Variants in AMZ2 observed in about 807,000 individuals in gnomAD.
AMZ2 encodes archaelysin family metallopeptidase 2, also known as archaemetzincin-2.
AMZ2 carries 26 observed loss-of-function variants against 36.7 expected under a neutral mutation model. That is an observed-to-expected ratio of 0.71 (90% CI 0.52 to 0.98). The LOEUF is 0.98. Among genes scored for constraint, AMZ2 ranks in the 50% least tolerant of loss-of-function variants. The pLI, the probability that AMZ2 is intolerant of heterozygous loss-of-function variation, is 0.00. For synonymous variants in AMZ2, 144 were observed against 149.1 expected, an observed-to-expected ratio of 0.97 and a Z score of 0.25; for missense variants, 394 against 430.5, an observed-to-expected ratio of 0.92 and a Z score of 0.75.
chr17:68,238,090 T>C (rs2073827454), intron 1 of AMZ2, among the ~76,000 whole-genome samples: 1 of 152,194 alleles, frequency 6.6e-6, no homozygotes, highest in Admixed American at 6.5e-5. Flanking sequence ...CGAGCTACAG[T>C]GCAGGAGACC....
chr17:68,211,798 GTGTA>G (rs2073066918), intron 1 of AMZ2, among the ~76,000 whole-genome samples: 1 of 62,300 alleles, frequency 1.6e-5, no homozygotes, highest in Non-Finnish European at 3.3e-5. Context: ...ATGTATATAT[GTGTA>G]TATGTATATA....
chr17:68,232,673 T>C (rs1359303867), intron 1 of AMZ2, among the ~76,000 whole-genome samples: 7 of 151,806 alleles, frequency 4.6e-5, no homozygotes, highest in African/African-American at 1.7e-4. Flanking sequence ...CGAAACCCCA[T>C]CTCTACTAAA....
Position 68,250,797 on chromosome 17 carries a change from C to G in AMZ2, c.287C>G (p.Ser96Cys), listed in dbSNP as rs1555739078. 1 of 1,576,420 alleles carries G rather than the reference C, an allele frequency of 6.3e-7. No individual in the cohort carries two copies. The highest frequency in any genetic ancestry group is 2.2e-5 in the East Asian group (1 of 44,484). Residue 96 changes from serine to cysteine, a missense_variant, in exon 3 of 7, where the codon TCT becomes TGT. Ser to Cys is a moderately radical substitution (Grantham distance 112). Transcript: ENST00000359904. The stretch of plus-strand genomic sequence containing the variant: ...TAAATGTTCTTCCATATTGTAGGCT[C>G]TCTAGGAAACACCAGAATTATCAGT... ...KRSIYIQSIG[S>C]LGNTRIISEE... is the part of the protein sequence containing the mutation.
chr17:68,230,374 T>G (rs12601034), intron 1 of AMZ2, among the ~76,000 whole-genome samples: 24,034 of 152,174 alleles, frequency 0.16, 1,987 homozygotes, highest in East Asian at 0.29. Flanking sequence ...GTGTCCGGCC[T>G]CCTGCCCTGT....
In AMZ2 at chr17:68,250,468, T is replaced by G; in HGVS notation, c.281T>G (p.Ile94Ser). 1.2e-6 allele frequency: 2 copies of G among 1,613,766 alleles called. No individual in the cohort carries two copies. The highest frequency in any genetic ancestry group is 2.2e-5 in the South Asian group (2 of 91,052). ...PNKRSIYIQS[I>S]GSLGNTRIIS... ...AAACGCAGCATTTATATACAGTCCA[T>G]TGGTAAATACTGGTAATGTGCTGGT... The change falls in exon 2 of 7, where the codon ATT becomes AGT. Residue 94 changes from isoleucine (I) to serine (S), a missense_variant and splice_region_variant. Transcript: ENST00000359904.
intron 1 of AMZ2, among the ~76,000 whole-genome samples, chr17:68,213,113 A>G (rs1205307452): frequency 6.6e-6 from 1 of 152,230 alleles, no homozygotes; most frequent in Non-Finnish European, 1.5e-5. Flanking sequence ...CCAGTAAAAG[A>G]CAATACTTAA....
exon 1 of AMZ2, chr17:68,206,155 TG>T: frequency 7.7e-7 from 1 of 1,306,254 alleles, no homozygotes; most frequent in African/African-American, 1.5e-5. Context: ...TCCGATTATC[TG>T]GAGGAGCTGG....
At chr17:68,206,472 CG>C in intron 1 of AMZ2, 3 of 187,114 alleles carry the variant, frequency 1.6e-5, no homozygotes, top group Non-Finnish European at 2.1e-5. Context: ...TACACTCGCT[CG>C]CTCTCTCTCT....
intron 1 of AMZ2, among the ~76,000 whole-genome samples, chr17:68,222,169 A>C (rs546779406): frequency 3.9e-5 from 6 of 152,382 alleles, no homozygotes; most frequent in African/African-American, 1.4e-4. Flanking sequence ...GAGCAACTGG[A>C]TGGAGCCATT....
At chr17:68,225,772 A>G (rs1443793955) in intron 1 of AMZ2, among the ~76,000 whole-genome samples, 1 of 151,936 alleles carries the variant, frequency 6.6e-6, no homozygotes, top group Admixed American at 6.6e-5. Context: ...ACAGGTGCCC[A>G]CCACCATGCC....
At chr17:68,223,438 T>C (rs549118353) in intron 1 of AMZ2, among the ~76,000 whole-genome samples, 3 of 152,356 alleles carry the variant, frequency 2.0e-5, no homozygotes, top group East Asian at 3.9e-4. Flanking sequence ...ATGGCCTTTT[T>C]GCTCAACAGT....
intron 6 of AMZ2, 99 bp downstream of exon 6, chr17:68,255,975 G>A (rs2074877031): frequency 4.1e-5 from 52 of 1,253,042 alleles, no homozygotes; most frequent in Non-Finnish European, 5.6e-5. Context: ...TAATTTATCA[G>A]AGGAAATTAG....
intron 1 of AMZ2, among the ~76,000 whole-genome samples, chr17:68,225,853 G>A (rs1224955485): frequency 1.3e-5 from 2 of 151,980 alleles, no homozygotes; most frequent in African/African-American, 4.8e-5. Flanking sequence ...CGAACTCCTG[G>A]CCTCAAGTGA....
At chr17:68,210,141 T>C (rs1319007734) in intron 1 of AMZ2, among the ~76,000 whole-genome samples, 1 of 152,112 alleles carries the variant, frequency 6.6e-6, no homozygotes, top group Non-Finnish European at 1.5e-5. Context: ...ACTCAAAAAG[T>C]TAAACTTAGA....
chr17:68,251,776 C>G (rs1402601834), intron 4 of AMZ2, among the ~76,000 whole-genome samples: 2 of 152,190 alleles, frequency 1.3e-5, no homozygotes, highest in Non-Finnish European at 2.9e-5. Context: ...ACAGTTTGAG[C>G]TATCAATGGA....
intron 1 of AMZ2, among the ~76,000 whole-genome samples, chr17:68,237,907 C>T (rs368614985): frequency 3.3e-5 from 5 of 152,200 alleles, no homozygotes; most frequent in South Asian, 2.1e-4. Flanking sequence ...ACACAGAGGA[C>T]GTCTTCAGTA....
At position 68,248,105 on chromosome 17, in the gene AMZ2, T is replaced by C. The variant is rs1262662586; in HGVS notation, c.-601T>C. The C allele has an allele frequency of 3.0e-6, 3 of 986,260 alleles. No homozygotes were observed. The highest frequency in any genetic ancestry group is 4.7e-5 in the South Asian group (1 of 21,348). The allele number at this position is 986,260 out of a possible 1,614,324, so 61.1% of individuals were successfully genotyped here. On this transcript the variant is annotated 5_prime_UTR_variant, in exon 1 of 7. Coordinates refer to ENST00000359904, the MANE Select transcript of AMZ2 (RefSeq NM_016627.5). ...GCCGCGGGTGGGTGGTATCGAGGCC[T>C]GTCGGGTCAGGGCGGTTCGCGGGTG...
Position 68,233,734 on chromosome 17 carries a change from T to G in AMZ2, c.-66-14906T>G, listed in dbSNP as rs182477428. On this transcript the variant is annotated intron_variant, in intron 1 of 7. Transcript: ENST00000674770. ...TTATTTTTATTATTTTTATTTATTT[T>G]TTTTTGGGACAGGGTCTTGCTCTGT... Among the ~76,000 whole-genome samples the G allele has an allele frequency of 3.3e-4, 50 of 152,064 alleles. No individual in the cohort carries two copies. In the East Asian group the frequency reaches 5.4e-3, roughly 16 times the overall value.
At chr17:68,243,525 T>G (rs1555734528), upstream of AMZ2, among the ~76,000 whole-genome samples, 1 of 152,242 alleles carries the variant, frequency 6.6e-6, no homozygotes, top group African/African-American at 2.4e-5. Context: ...GCTTTTCCAG[T>G]CTCCAATAGC....
Sources: gnomAD v4.1 joint callset for allele counts (sites outside exome capture counted in the v4.1 genomes callset) on GRCh38, gnomAD v4.1.1 for gene constraint, MANE v1.5 for transcripts, NCBI Gene and HGNC (gene_info 2026-07-23, HGNC 2026-07-21) for gene names.